TSC1: variants seen among roughly 807,000 people sequenced by gnomAD.
The protein encoded by TSC1 is hamartin.
Under a neutral mutation model 124.3 loss-of-function variants are expected in TSC1, and 20 were observed. The ratio of observed to expected loss-of-function variants is 0.16; its 90% confidence interval spans 0.11 to 0.23. The LOEUF is 0.23. Among genes scored for constraint, TSC1 ranks in the 10% least tolerant of loss-of-function variants. TSC1 has a pLI of 1.00. For synonymous variants in TSC1, 493 were observed against 539.1 expected (o/e 0.91, Z 1.19); for missense variants, 1,124 against 1,448.5 (o/e 0.78, Z 3.64).
rs1845415848 is a variant in TSC1 at position 132,902,148 on chromosome 9, G to A, written c.2392-449C>T. Reference sequence around the variant, plus strand: ...CACAAGGAAAACCAGTGTGGAACAGGAAATGAGGGTGTCACTGTCCACTCT... The same window carrying A: ...CACAAGGAAAACCAGTGTGGAACAGAAAATGAGGGTGTCACTGTCCACTCT... On this transcript the variant is annotated intron_variant, in intron 18 of 22. Coordinates refer to ENST00000298552, the MANE Select transcript of TSC1 (RefSeq NM_000368.5). This position sits in a 1 kb window ranked among gnomAD's most constrained non-coding sequence, Gnocchi z 5.2. 6.6e-6 allele frequency among the ~76,000 whole-genome samples: 1 copy of A among 152,232 alleles called. No individual in the cohort carries two copies. Among genetic ancestry groups the A allele is most frequent in the East Asian group, 1.9e-4 (1 of 5,200 alleles).
chr9:132,913,454 T>C (rs1564490976), intron 8 of TSC1, among the ~76,000 whole-genome samples: 1 of 152,156 alleles, frequency 6.6e-6, no homozygotes. Flanking sequence ...GTAATAATAG[T>C]TATTCTATAG....
chr9:132,901,489 G>A, intron 19 of TSC1, 100 bp downstream of exon 19: 1 of 1,123,958 alleles, frequency 8.9e-7, no homozygotes, highest in Non-Finnish European at 1.3e-6. Flanking sequence ...GGGAACCCAT[G>A]ACACAGACAC....
intron 2 of TSC1, 69 bp downstream of exon 2, chr9:132,934,964 G>A: frequency 2.5e-6 from 1 of 398,898 alleles, no homozygotes; most frequent in Non-Finnish European, 4.4e-6. Flanking sequence ...TTAAATCCCT[G>A]AATGCACGAC....
At position 132,918,907 on chromosome 9, in the gene TSC1, G is replaced by A. The variant is rs73552856; in HGVS notation, c.737+2456C>T. ...GATTTAAAAAGAATAACACAAAACC[G>A]AAAAGAAGGAAGCTTAGAAGAAACA... On this transcript the variant is annotated intron_variant, in intron 8 of 22. Coordinates refer to ENST00000298552, the MANE Select transcript of TSC1 (RefSeq NM_000368.5). 7.1e-3 allele frequency among the ~76,000 whole-genome samples: 1,078 copies of A among 152,252 alleles called. 2 individuals carry two copies. Among genetic ancestry groups the A allele is most frequent in the Middle Eastern group, 0.02 (6 of 294 alleles).
Position 132,895,382 on chromosome 9 carries a change from C to T in TSC1, c.*853G>A, listed in dbSNP as rs1844976645. On this transcript the variant is annotated 3_prime_UTR_variant, in exon 23 of 23. Coordinates refer to ENST00000298552, the MANE Select transcript of TSC1 (RefSeq NM_000368.5). ...GCCTAAAGGTGCAGTTCCTCATGCT[C>T]AAGTGCTTCTCGGGTAACCTCTCCC... The T allele has an allele frequency of 8.6e-6, 2 of 233,426 alleles. No individual in the cohort carries two copies. The highest frequency in any genetic ancestry group is 8.5e-6 in the Non-Finnish European group (1 of 118,082). 14.5% of individuals were successfully genotyped at this position (233,426 alleles called of 1,614,324 possible).
rs892749318 is a variant in TSC1 at position 132,902,975 on chromosome 9, A to G, written c.2209-188T>C. Among the ~76,000 whole-genome samples the G allele has an allele frequency of 6.6e-6, 1 of 152,228 alleles. No individual in the cohort carries two copies. Among genetic ancestry groups the G allele is most frequent in the Non-Finnish European group, 1.5e-5 (1 of 68,046 alleles). Reference sequence around the variant, plus strand: ...TCAAGGTTTTCCAAATTTTACATTAAGCAAATGGATCTTAAGTTGCTTAAA... The same window carrying G: ...TCAAGGTTTTCCAAATTTTACATTAGGCAAATGGATCTTAAGTTGCTTAAA... On this transcript the variant is annotated intron_variant, in intron 17 of 22. Coordinates refer to ENST00000298552, the MANE Select transcript of TSC1 (RefSeq NM_000368.5). The surrounding 1 kb of genome is among the most constrained non-coding windows in gnomAD (Gnocchi z 5.2).
At chr9:132,916,709 A>T (rs966682426) in intron 8 of TSC1, among the ~76,000 whole-genome samples, 1 of 152,214 alleles carries the variant, frequency 6.6e-6, no homozygotes, top group Non-Finnish European at 1.5e-5. Flanking sequence ...AATGCCTAAT[A>T]TAACTTTTAC....
intron 5 of TSC1, among the ~76,000 whole-genome samples, chr9:132,925,277 T>C (rs912543321): frequency 6.6e-6 from 1 of 152,110 alleles, no homozygotes; most frequent in Non-Finnish European, 1.5e-5. Flanking sequence ...CAAAAGATAA[T>C]CCAGGATGTT....
intron 8 of TSC1, chr9:132,912,670 T>G: frequency 1.7e-6 from 1 of 588,340 alleles, no homozygotes. Flanking sequence ...ATATCAAGTT[T>G]ACAAGCTAAT....
At position 132,894,371 on chromosome 9, in the gene TSC1, T is replaced by C; in HGVS notation, c.*1864A>G. 2 of 230,752 alleles carry C rather than the reference T, an allele frequency of 8.7e-6. No individual in the cohort carries two copies. 14.3% of individuals were successfully genotyped at this position (230,752 alleles called of 1,614,324 possible). On this transcript the variant is annotated 3_prime_UTR_variant, in exon 23 of 23. Coordinates refer to ENST00000298552, the MANE Select transcript of TSC1 (RefSeq NM_000368.5). ...CAGTTTCAGGATTCACTGATGGGATTTCCTTCCCTTTCTAAGTTTGTTCAC... is the reference window on the plus strand; with the variant it reads ...CAGTTTCAGGATTCACTGATGGGATCTCCTTCCCTTTCTAAGTTTGTTCAC...
In TSC1 at chr9:132,896,059, C is replaced by A; in HGVS notation, c.*176G>T. On this transcript the variant is annotated 3_prime_UTR_variant, in exon 23 of 23. Transcript: ENST00000298552. The surrounding 1 kb of genome is among the most constrained non-coding windows in gnomAD (Gnocchi z 4.5). ...TGGAGGGGAAGGTCAAGAGGCATTT[C>A]AATGCCAGATCCAAAAACCGTTCTG... is the stretch of plus-strand genomic sequence containing the variant. 1.1e-6 allele frequency: 1 copy of A among 904,598 alleles called. No homozygotes were observed. Among genetic ancestry groups the A allele is most frequent in the Non-Finnish European group, 1.8e-6 (1 of 569,128 alleles). The allele number at this position is 904,598 out of a possible 1,614,324, so 56.0% of individuals were successfully genotyped here.
intron 20 of TSC1, 150 bp downstream of exon 20, chr9:132,900,565 C>A: frequency 7.6e-7 from 1 of 1,320,472 alleles, no homozygotes; most frequent in Middle Eastern, 2.6e-4. Context: ...CTGGAAAGTG[C>A]TTGTATAGCT....
At chr9:132,905,508 CCTCTCTTA>C (rs1308834853) in intron 15 of TSC1, 65 bp downstream of exon 15, 1 of 1,601,052 alleles carries the variant, frequency 6.2e-7, no homozygotes, top group Non-Finnish European at 8.5e-7. Flanking sequence ...GATTCTTGTT[CCTCTCTTA>C]CACTTTCTGT....
At position 132,895,667 on chromosome 9, in the gene TSC1, C is replaced by G. The variant is rs1044593784; in HGVS notation, c.*568G>C. The G allele has an allele frequency of 8.3e-6, 2 of 239,862 alleles. No individual in the cohort carries two copies. The highest frequency in any genetic ancestry group is 1.6e-5 in the Non-Finnish European group (2 of 121,950). The allele number at this position is 239,862 out of a possible 1,614,324, so 14.9% of individuals were successfully genotyped here. A position where few individuals can be genotyped will look rare whatever the true frequency, so the allele number is the denominator to read the frequency against. ...ATGCAAGTATGAATAAACCGTTGTT[C>G]TTCTAGACCTGCTGCTTTAGATGCT... On this transcript the variant is annotated 3_prime_UTR_variant, in exon 23 of 23. Transcript: ENST00000298552.
At position 132,902,792 on chromosome 9, in the gene TSC1, C is replaced by T; in HGVS notation, c.2209-5G>A. ...TTGTAACTTCAACTGATCTTTCTAG[C>T]AGAGACCAGAAATGTCATCATTTTA... On this transcript the variant is annotated splice_polypyrimidine_tract_variant and splice_region_variant and intron_variant, in intron 17 of 22. Transcript: ENST00000298552. This position sits in a 1 kb window ranked among gnomAD's most constrained non-coding sequence, Gnocchi z 5.2. 1 of 1,613,200 alleles carries T rather than the reference C, an allele frequency of 6.2e-7. No individual in the cohort carries two copies. The highest frequency in any genetic ancestry group is 1.3e-5 in the African/African-American group (1 of 75,020).
At chr9:132,897,637 G>C (rs941045848) in intron 20 of TSC1, 27 bp from the exon 21 acceptor site, 1 of 1,357,036 alleles carries the variant, frequency 7.4e-7, no homozygotes, top group Non-Finnish European at 1.0e-6. Context: ...AAAAAGACTG[G>C]AATTAGTACT....
Position 132,907,287 on chromosome 9 carries a change from C to A in TSC1, c.1333+14G>T. On this transcript the variant is annotated intron_variant, in intron 13 of 22. Coordinates refer to ENST00000298552, the MANE Select transcript of TSC1 (RefSeq NM_000368.5). ...AAGAGGCAAGCAAGGCCTGTAGTAA[C>A]GCAGAAATTTTACCTGATCCTCTGT... The A allele has an allele frequency of 1.9e-6, 3 of 1,611,904 alleles. No homozygotes were observed. The highest frequency in any genetic ancestry group is 8.5e-7 in the Non-Finnish European group (1 of 1,178,032).
chr9:132,896,039 G>T lies in TSC1; in HGVS notation c.*196C>A, dbSNP rs1429898294. On this transcript the variant is annotated 3_prime_UTR_variant, in exon 23 of 23. Transcript: ENST00000298552. This position sits in a 1 kb window ranked among gnomAD's most constrained non-coding sequence, Gnocchi z 4.5. ...TGAGAGGGGGTTAGGGCGGGTGGAG[G>T]GGAAGGTCAAGAGGCATTTCAATGC... 4.1e-6 allele frequency: 3 copies of T among 728,446 alleles called. No homozygotes were observed. Among genetic ancestry groups the T allele is most frequent in the African/African-American group, 3.5e-5 (2 of 57,330 alleles). The allele number at this position is 728,446 out of a possible 1,614,324, so 45.1% of individuals were successfully genotyped here.
At chr9:132,908,415 G>C (rs1300050835) in intron 12 of TSC1, among the ~76,000 whole-genome samples, 1 of 152,052 alleles carries the variant, frequency 6.6e-6, no homozygotes, top group Non-Finnish European at 1.5e-5. Flanking sequence ...GAAAATCTGG[G>C]GCCCCACAGA....
Sources: allele counts gnomAD v4.1 joint callset (sites outside exome capture counted in the v4.1 genomes callset), GRCh38; gene constraint gnomAD v4.1.1; non-coding constraint Gnocchi (gnomAD v3.1); transcripts MANE v1.5; gene names NCBI Gene and HGNC (gene_info 2026-07-23, HGNC 2026-07-21).